Variants in PDE3A observed in about 807,000 individuals in gnomAD.
PDE3A encodes the protein cGMP-inhibited 3',5'-cyclic phosphodiesterase 3A.
PDE3A carries 43 observed loss-of-function variants against 98.3 expected under a neutral mutation model. That is an observed-to-expected ratio of 0.44 (90% CI 0.34 to 0.56). PDE3A has a LOEUF of 0.56. Among genes scored for constraint, PDE3A ranks in the 20% least tolerant of loss-of-function variants. The pLI, the probability that PDE3A is intolerant of heterozygous loss-of-function variation, is 0.01. For missense variants in PDE3A, 1,427 were observed against 1,440.7 expected (o/e 0.99, Z 0.15); for synonymous variants, 663 against 567.9 (o/e 1.17, Z -2.38).
At chr12:20,664,113 G>A (rs1228643145) in intron 15 of PDE3A, among the ~76,000 whole-genome samples, 2 of 152,062 alleles carry the variant, frequency 1.3e-5, no homozygotes, top group East Asian at 3.9e-4. Context: ...TGTGAATTAA[G>A]GACATGTTTG....
intron 1 of PDE3A, among the ~76,000 whole-genome samples, chr12:20,488,704 A>G (rs1235606786): frequency 2.0e-5 from 3 of 151,990 alleles, no homozygotes; most frequent in Non-Finnish European, 2.9e-5. Context: ...ATAACAACAA[A>G]TAATTACCTC....
chr12:20,627,311 A>C (rs1033366363), intron 5 of PDE3A, among the ~76,000 whole-genome samples: 2 of 152,002 alleles, frequency 1.3e-5, no homozygotes, highest in African/African-American at 4.8e-5. Flanking sequence ...TCATTGCAAA[A>C]ACCACAATTA....
chr12:20,427,435 T>G (rs1944619286), intron 1 of PDE3A, among the ~76,000 whole-genome samples: 1 of 152,352 alleles, frequency 6.6e-6, no homozygotes, highest in Non-Finnish European at 1.5e-5. Flanking sequence ...CTTTACGTTT[T>G]ACAGGCATGT....
At chr12:20,377,480 G>A (rs1943592483) in intron 1 of PDE3A, among the ~76,000 whole-genome samples, 1 of 151,718 alleles carries the variant, frequency 6.6e-6, no homozygotes, top group African/African-American at 2.4e-5. Context: ...CCCATTTCAA[G>A]TATTAAATAG....
At chr12:20,603,753 C>T (rs534989552) in intron 2 of PDE3A, among the ~76,000 whole-genome samples, 27 of 152,250 alleles carry the variant, frequency 1.8e-4, no homozygotes, top group African/African-American at 5.8e-4. Context: ...TAATACTTAT[C>T]AAACATATAT....
At chr12:20,481,453 C>CGTT (rs146252214) in intron 1 of PDE3A, among the ~76,000 whole-genome samples, 1,555 of 152,000 alleles carry the variant, frequency 0.01, 27 homozygotes, top group African/African-American at 0.035. Context: ...TATTTACTGA[C>CGTT]GTTGTTGTTG....
Position 20,555,834 on chromosome 12 carries a change from T to A in PDE3A, c.961-826T>A, listed in dbSNP as rs149255750. Among the ~76,000 whole-genome samples, 6 of 152,284 alleles carry A rather than the reference T, an allele frequency of 3.9e-5. No individual in the cohort carries two copies. The East Asian group carries it at 1.2e-3, about 29-fold the overall frequency. ...TTTTTGTTGCTATTGTGAACAGTTG[T>A]TTGTTGTTAAGTCTACTTAGGAGTC... On this transcript the variant is annotated intron_variant, in intron 1 of 15. Coordinates refer to ENST00000359062, the MANE Select transcript of PDE3A (RefSeq NM_000921.5).
At chr12:20,551,904 C>A in intron 1 of PDE3A, 2 of 1,613,452 alleles carry the variant, frequency 1.2e-6, no homozygotes, top group Non-Finnish European at 1.7e-6. Context: ...CGGGGATCCC[C>A]GTGGGCACCA....
intron 1 of PDE3A, among the ~76,000 whole-genome samples, chr12:20,525,371 A>G (rs370072898): frequency 2.0e-5 from 3 of 151,886 alleles, no homozygotes; most frequent in African/African-American, 7.2e-5. Context: ...AATGTTGCCA[A>G]CAAGATGGAG....
intron 1 of PDE3A, among the ~76,000 whole-genome samples, chr12:20,394,906 TAAGA>T (rs1038115042): frequency 1.3e-4 from 20 of 152,140 alleles, no homozygotes; most frequent in African/African-American, 4.8e-4. Context: ...CAACTCCCTA[TAAGA>T]AAGAATTATC....
intron 1 of PDE3A, among the ~76,000 whole-genome samples, chr12:20,432,337 A>G (rs1200324205): frequency 3.3e-5 from 5 of 152,198 alleles, no homozygotes; most frequent in Admixed American, 3.3e-4. Context: ...GTCAAAGGGT[A>G]TACAGTTTTG....
intron 1 of PDE3A, among the ~76,000 whole-genome samples, chr12:20,467,487 G>C (rs572986885): frequency 6.6e-6 from 1 of 151,818 alleles, no homozygotes; most frequent in Admixed American, 6.6e-5. Flanking sequence ...ATATAAAGGA[G>C]GATTTTTAAA....
Position 20,425,640 on chromosome 12 carries a change from C to G in PDE3A, c.960+55396C>G, listed in dbSNP as rs553544112. 5.3e-5 allele frequency among the ~76,000 whole-genome samples: 8 copies of G among 152,230 alleles called. No individual in the cohort carries two copies. The South Asian group carries it at 1.7e-3, about 32-fold the overall frequency. ...TCATATTTAGGATTGAATATAAACTCATTCTAAGATTGTCTATAACCTATT... is the reference window on the plus strand; with the variant it reads ...TCATATTTAGGATTGAATATAAACTGATTCTAAGATTGTCTATAACCTATT... On this transcript the variant is annotated intron_variant, in intron 1 of 15. Transcript: ENST00000359062.
Position 20,369,457 on chromosome 12 carries a change from C to T in PDE3A, c.173C>T (p.Ser58Phe), listed in dbSNP as rs760575465. ...GDLVLQPLRSSRKLSSALCAG... is the reference protein window; with the variant it reads ...GDLVLQPLRSFRKLSSALCAG... ...CTGGTGCTGCAGCCGCTCCGGAGCT[C>T]TCGGAAACTTTCCTCCGCGCTGTGC... is the stretch of plus-strand genomic sequence containing the variant. The change falls in exon 1 of 16, where the codon TCT becomes TTT. Residue 58 changes from serine (S) to phenylalanine (F), a missense_variant. By Grantham distance (155) the Ser-to-Phe change is radical. This residue lies in a region of PDE3A where 1,012 missense variants were observed against 886.5 expected (regional missense o/e 1.14). Transcript: ENST00000359062. The T allele has an allele frequency of 3.2e-6, 5 of 1,556,234 alleles. No homozygotes were observed. The highest frequency in any genetic ancestry group is 1.7e-4 in the Middle Eastern group (1 of 5,936).
intron 1 of PDE3A, among the ~76,000 whole-genome samples, chr12:20,485,188 G>A (rs1028576407): frequency 3.3e-5 from 5 of 152,160 alleles, no homozygotes; most frequent in South Asian, 2.1e-4. Context: ...TTCTTTCTGA[G>A]GGCTGCGAGG....
chr12:20,583,653 A>C (rs1418039056), intron 2 of PDE3A, among the ~76,000 whole-genome samples: 1 of 152,214 alleles, frequency 6.6e-6, no homozygotes, highest in Admixed American at 6.5e-5. Flanking sequence ...TTTCTGGATC[A>C]TAAGAGGACT....
intron 14 of PDE3A, among the ~76,000 whole-genome samples, chr12:20,653,616 G>T (rs2121519763): frequency 6.6e-6 from 1 of 152,202 alleles, no homozygotes; most frequent in South Asian, 2.1e-4. Flanking sequence ...AAAGTGCTGG[G>T]ATTACAGGCG....
chr12:20,419,721 A>G (rs1363582968), intron 1 of PDE3A, among the ~76,000 whole-genome samples: 1 of 142,716 alleles, frequency 7.0e-6, no homozygotes, highest in Non-Finnish European at 1.5e-5. Flanking sequence ...CAACCCTATG[A>G]TTAAATTTAA....
intron 2 of PDE3A, 104 bp downstream of exon 2, chr12:20,556,814 C>G: frequency 1.2e-6 from 1 of 811,046 alleles, no homozygotes; most frequent in East Asian, 2.5e-5. Flanking sequence ...GAGGAAGAGG[C>G]AAAATAACCA....
Sources: gnomAD v4.1 joint callset for allele counts (sites outside exome capture counted in the v4.1 genomes callset) on GRCh38, gnomAD v4.1.1 for gene constraint, gnomAD v4.1.1 regional missense constraint, MANE v1.5 for transcripts, NCBI Gene and HGNC (gene_info 2026-07-23, HGNC 2026-07-21) for gene names.